PLK3: variants seen among roughly 807,000 people sequenced by gnomAD.
PLK3 encodes the protein serine/threonine-protein kinase PLK3.
PLK3 carries 41 observed loss-of-function variants against 71.6 expected under a neutral mutation model. The observed-to-expected ratio is 0.57, with a 90% CI of 0.45 to 0.74. PLK3 has a LOEUF of 0.74. Ranked by LOEUF, PLK3 falls within the 30% of genes least tolerant of loss-of-function variation. The pLI is 0.00. For synonymous variants in PLK3, 366 were observed against 355.4 expected (o/e 1.03, Z -0.33); for missense variants, 791 against 875.6 (o/e 0.90, Z 1.22).
chr1:44,805,403 G>A (rs769846463), intron 14 of PLK3, 24 bp downstream of exon 14: 32 of 1,607,478 alleles, frequency 2.0e-5, no homozygotes, highest in South Asian at 1.3e-4. Flanking sequence ...CAGGAGTTGC[G>A]GGAAGGTCTG....
chr1:44,805,779 GA>G lies in PLK3; in HGVS notation c.*103del, dbSNP rs1652016589. ...GGTGCCTCACTGGGGGCTTTGGGCC[GA>G]ATCCCCCAGGGAATCAGGGACCAGC... On this transcript the variant is annotated 3_prime_UTR_variant, in exon 15 of 15. Coordinates refer to ENST00000372201, the MANE Select transcript of PLK3 (RefSeq NM_004073.4). 5 of 1,357,058 alleles carry G rather than the reference GA, an allele frequency of 3.7e-6. No individual in the cohort carries two copies. The East Asian group carries it at 1.2e-4, about 33-fold the overall frequency. The allele number at this position is 1,357,058 out of a possible 1,614,324, so 84.1% of individuals were successfully genotyped here.
At position 44,800,927 on chromosome 1, in the gene PLK3, A is replaced by T; in HGVS notation, c.298A>T (p.Lys100Ter). ...VKVIPQSRVA[K>*]PHQREKILNE... ...AGTCATCCCGCAGAGCCGCGTCGCC[A>T]AGCCGCATCAGCGCGAGAAGGTGGG... Residue 100 changes from lysine (K) to a stop codon, truncating the protein, a stop_gained, in exon 2 of 15, where the codon AAG becomes TAG. Transcript: ENST00000372201. LOFTEE classifies it high-confidence loss of function. This position sits in a 1 kb window ranked among gnomAD's most constrained non-coding sequence, Gnocchi z 6.5. 1 of 1,612,992 alleles carries T rather than the reference A, an allele frequency of 6.2e-7. No homozygotes were observed.
Position 44,803,853 on chromosome 1 carries a change from A to C in PLK3, c.1165-78A>C. On this transcript the variant is annotated intron_variant, in intron 9 of 14. Coordinates refer to ENST00000372201, the MANE Select transcript of PLK3 (RefSeq NM_004073.4). This position sits in a 1 kb window ranked among gnomAD's most constrained non-coding sequence, Gnocchi z 4.3. Reference sequence around the variant, plus strand: ...GCTGACCTGGGGTGCCCTGGGAGCCAGGGCAGGGCCAGGCCATGGACTCAA... The same window carrying C: ...GCTGACCTGGGGTGCCCTGGGAGCCCGGGCAGGGCCAGGCCATGGACTCAA... The C allele has an allele frequency of 8.1e-7, 1 of 1,230,298 alleles. No homozygotes were observed. Among genetic ancestry groups the C allele is most frequent in the Non-Finnish European group, 1.2e-6 (1 of 859,798 alleles). The allele number at this position is 1,230,298 out of a possible 1,614,324, so 76.2% of individuals were successfully genotyped here. A position where few individuals can be genotyped will look rare whatever the true frequency, so the allele number is the denominator to read the frequency against.
At chr1:44,802,920 C>T (rs1395230562) in intron 6 of PLK3, 35 bp from the exon 7 acceptor site, 3 of 1,610,684 alleles carry the variant, frequency 1.9e-6, no homozygotes, top group Non-Finnish European at 2.5e-6. Context: ...GCATCTCCTC[C>T]ACTTTACTCC....
At position 44,801,894 on chromosome 1, in the gene PLK3, G is replaced by C; in HGVS notation, c.615G>C (p.Gly205=). ...TGGAACTGAAGGTGGGGGATTTTGG[G>C]CTGGCAGCCCGGTTGGAGCCTCCGG... is the stretch of plus-strand genomic sequence containing the variant. ...ENMELKVGDF[G]LAARLEPPEQ... is the part of the protein sequence containing the mutation. Residue 205 remains glycine (G), a synonymous_variant, in exon 5 of 15, where the codon GGG becomes GGC. Coordinates refer to ENST00000372201, the MANE Select transcript of PLK3 (RefSeq NM_004073.4). 1 of 1,613,958 alleles carries C rather than the reference G, an allele frequency of 6.2e-7. No homozygotes were observed. Among genetic ancestry groups the C allele is most frequent in the Non-Finnish European group, 8.5e-7 (1 of 1,179,936 alleles).
At position 44,802,975 on chromosome 1, in the gene PLK3, G is replaced by A. The variant is rs141585036; in HGVS notation, c.770G>A (p.Ser257Asn). 31 of 1,613,966 alleles carry A rather than the reference G, an allele frequency of 1.9e-5. No individual in the cohort carries two copies. In the African/African-American group the frequency reaches 3.5e-4, roughly 18 times the overall value. ...GCVMYTLLCGSPPFETADLKE... is the reference protein window; with the variant it reads ...GCVMYTLLCGNPPFETADLKE... Reference sequence around the variant, plus strand: ...TATAGGTACACGCTGCTCTGCGGGAGCCCTCCCTTTGAGACGGCTGACCTG... The same window carrying A: ...TATAGGTACACGCTGCTCTGCGGGAACCCTCCCTTTGAGACGGCTGACCTG... Residue 257 changes from serine (S) to asparagine (N), a missense_variant, in exon 7 of 15, where the codon AGC becomes AAC. Physicochemically the swap from Ser to Asn is conservative, Grantham distance 46. Coordinates refer to ENST00000372201, the MANE Select transcript of PLK3 (RefSeq NM_004073.4).
Position 44,804,183 on chromosome 1 carries a change from G to A in PLK3, c.1279G>A (p.Val427Met), listed in dbSNP as rs1651931231. Residue 427 changes from valine (V) to methionine (M), a missense_variant, in exon 11 of 15, where the codon GTG becomes ATG. Coordinates refer to ENST00000372201, the MANE Select transcript of PLK3 (RefSeq NM_004073.4). The part of the protein sequence containing the change: ...SGDGFEEGLT[V>M]ATVVESALCA... ...TTCAGGATTTGAAGAAGGTCTGACTGTGGCCACAGTAGTGGAGTCAGCCCT... is the reference window on the plus strand; with the variant it reads ...TTCAGGATTTGAAGAAGGTCTGACTATGGCCACAGTAGTGGAGTCAGCCCT... The A allele has an allele frequency of 2.5e-6, 4 of 1,613,908 alleles. No individual in the cohort carries two copies. The highest frequency in any genetic ancestry group is 3.4e-6 in the Non-Finnish European group (4 of 1,179,780).
In PLK3 at chr1:44,804,225, TG is replaced by T. The variant is rs1557623810; in HGVS notation, c.1322del (p.Cys441LeufsTer2). The T allele has an allele frequency of 3.1e-6, 5 of 1,613,890 alleles. No homozygotes were observed. Among genetic ancestry groups the T allele is most frequent in the Non-Finnish European group, 4.2e-6 (5 of 1,179,852 alleles). ...VESALCALRNCIAFMPPAEQN... is the reference protein window; with the variant it reads ...VESALCALRNXIAFMPPAEQN... The stretch of plus-strand genomic sequence containing the variant: ...GTCAGCCCTTTGTGCTCTGAGAAAT[TG>T]TATAGCCTTCATGCCCCCAGGTAAG... On this transcript the variant is annotated frameshift_variant, in exon 11 of 15. Transcript: ENST00000372201. LOFTEE classifies it high-confidence loss of function.
chr1:44,803,715 T>C lies in PLK3; in HGVS notation c.1164+24T>C. The C allele has an allele frequency of 6.5e-7, 1 of 1,543,280 alleles. No homozygotes were observed. Among genetic ancestry groups the C allele is most frequent in the Non-Finnish European group, 8.9e-7 (1 of 1,120,800 alleles). ...AGGTGAGGCGCTCAGGTGGACACTG[T>C]TCCCCTGACTCACCCCCACCCTAGC... On this transcript the variant is annotated intron_variant, in intron 9 of 14. Coordinates refer to ENST00000372201, the MANE Select transcript of PLK3 (RefSeq NM_004073.4). The surrounding 1 kb of genome is among the most constrained non-coding windows in gnomAD (Gnocchi z 4.3).
chr1:44,805,225 T>G, intron 13 of PLK3, 41 bp from the exon 14 acceptor site: 1 of 1,340,102 alleles, frequency 7.5e-7, no homozygotes, highest in African/African-American at 1.4e-5. Flanking sequence ...GAGGGGGCTG[T>G]CTCACGCTGG....
At chr1:44,801,499 C>A in intron 3 of PLK3, 123 bp from the exon 4 acceptor site, 2 of 1,070,176 alleles carry the variant, frequency 1.9e-6, no homozygotes, top group Non-Finnish European at 2.7e-6. Flanking sequence ...TGAGCCACTA[C>A]ACCCAGCCGA....
chr1:44,802,059 C>CTGT (rs1651852098), intron 5 of PLK3, 127 bp downstream of exon 5: 6 of 729,296 alleles, frequency 8.2e-6, no homozygotes, highest in Non-Finnish European at 7.0e-6. Flanking sequence ...GGATGATGGG[C>CTGT]TGTTCATGCA....
chr1:44,802,066 T>C (rs1033136137), intron 5 of PLK3, 134 bp downstream of exon 5: 11 of 702,554 alleles, frequency 1.6e-5, no homozygotes, highest in Non-Finnish European at 1.7e-5. Context: ...GGGCTGTTCA[T>C]GCATGTGTGA....
Position 44,805,762 on chromosome 1 carries a change from AC to A in PLK3, c.*85del. On this transcript the variant is annotated 3_prime_UTR_variant, in exon 15 of 15. Coordinates refer to ENST00000372201, the MANE Select transcript of PLK3 (RefSeq NM_004073.4). ...GCCTTCCCCCTTCCTTTGGTGCCTC[AC>A]TGGGGGCTTTGGGCCGAATCCCCCA... 1 of 1,442,912 alleles carries A rather than the reference AC, an allele frequency of 6.9e-7. No individual in the cohort carries two copies. The highest frequency in any genetic ancestry group is 1.2e-5 in the South Asian group (1 of 81,608). 89.4% of individuals were successfully genotyped at this position (1,442,912 alleles called of 1,614,324 possible). A position where few individuals can be genotyped will look rare whatever the true frequency, so the allele number is the denominator to read the frequency against.
In PLK3 at chr1:44,805,783, C is replaced by T. The variant is rs962421299; in HGVS notation, c.*105C>T. On this transcript the variant is annotated 3_prime_UTR_variant, in exon 15 of 15. Coordinates refer to ENST00000372201, the MANE Select transcript of PLK3 (RefSeq NM_004073.4). ...CCTCACTGGGGGCTTTGGGCCGAAT[C>T]CCCCAGGGAATCAGGGACCAGCTTT... 6.7e-6 allele frequency: 9 copies of T among 1,349,378 alleles called. No homozygotes were observed. The highest frequency in any genetic ancestry group is 1.4e-5 in the South Asian group (1 of 72,968). 83.6% of individuals were successfully genotyped at this position (1,349,378 alleles called of 1,614,324 possible). A position where few individuals can be genotyped will look rare whatever the true frequency, so the allele number is the denominator to read the frequency against.
Position 44,804,682 on chromosome 1 carries a change from A to T in PLK3, c.1538A>T (p.His513Leu). The change falls in exon 13 of 15, where the codon CAC becomes CTC. Residue 513 changes from histidine (H) to leucine (L), a missense_variant. Transcript: ENST00000372201. ...CACTACAATCCCACCAGCACAAAGC[A>T]CTTCTCCTTCTCCGTGGGTGCTGTG... ...TVHYNPTSTK[H>L]FSFSVGAVPR... 6.2e-7 allele frequency: 1 copy of T among 1,613,832 alleles called. No homozygotes were observed.
In PLK3 at chr1:44,800,796, C is replaced by G; in HGVS notation, c.211-44C>G. ...AACGCGGGGACGCCCGCGGGCCAGA[C>G]TCGGCCCCCCTGGAACAACCAGCCT... On this transcript the variant is annotated intron_variant, in intron 1 of 14. Coordinates refer to ENST00000372201, the MANE Select transcript of PLK3 (RefSeq NM_004073.4). The surrounding 1 kb of genome is among the most constrained non-coding windows in gnomAD (Gnocchi z 6.5). 1 of 1,575,610 alleles carries G rather than the reference C, an allele frequency of 6.3e-7. No individual in the cohort carries two copies. The highest frequency in any genetic ancestry group is 8.6e-7 in the Non-Finnish European group (1 of 1,160,940).
At chr1:44,804,529 T>C (rs1366171213) in intron 12 of PLK3, 28 bp downstream of exon 12, 2 of 1,611,994 alleles carry the variant, frequency 1.2e-6, no homozygotes, top group African/African-American at 2.7e-5. Context: ...GTGCCTTGTA[T>C]TCAGGCCACT....
chr1:44,802,903 G>T (rs771081340), intron 6 of PLK3, 48 bp downstream of exon 6: 9 of 1,596,508 alleles, frequency 5.6e-6, no homozygotes, highest in Non-Finnish European at 7.7e-6. Context: ...GTGGGTGTGT[G>T]GGTGGAGCAT....
Sources: gnomAD v4.1 joint callset for allele counts on GRCh38, gnomAD v4.1.1 for gene constraint, Gnocchi (gnomAD v3.1) non-coding constraint, MANE v1.5 for transcripts, NCBI Gene and HGNC (gene_info 2026-07-23, HGNC 2026-07-21) for gene names.